The following SPATA16 variants were observed in gnomAD, a reference collection of about 807,000 sequenced individuals.
The protein encoded by SPATA16 is spermatogenesis associated 16, also known as spermatogenesis-associated protein 16.
Under a neutral mutation model 63.3 loss-of-function variants are expected in SPATA16, and 36 were observed. That is an observed-to-expected ratio of 0.57 (90% CI 0.44 to 0.75). The LOEUF (loss-of-function observed/expected upper bound fraction) is 0.75, where lower values mean the gene tolerates loss of function less well. SPATA16 is among the 30% of genes least tolerant of loss of function. SPATA16 has a pLI of 0.00. For missense variants in SPATA16, 646 were observed against 679.3 expected, an observed-to-expected ratio of 0.95 and a Z score of 0.54; for synonymous variants, 203 against 216.7, an observed-to-expected ratio of 0.94 and a Z score of 0.56.
chr3:172,933,664 A>C (rs996715093), intron 6 of SPATA16, among the ~76,000 whole-genome samples: 9 of 152,226 alleles, frequency 5.9e-5, no homozygotes, highest in African/African-American at 2.2e-4. Flanking sequence ...TGGTTGGATC[A>C]AGCTATGCTT....
intron 4 of SPATA16, among the ~76,000 whole-genome samples, chr3:173,009,889 T>G (rs1433425376): frequency 6.6e-6 from 1 of 152,206 alleles, no homozygotes; most frequent in Non-Finnish European, 1.5e-5. Context: ...GTTACGGAAT[T>G]TCTTGGGGCT....
chr3:173,094,203 G>T (rs1737294898), intron 2 of SPATA16, among the ~76,000 whole-genome samples: 1 of 152,048 alleles, frequency 6.6e-6, no homozygotes, highest in South Asian at 2.1e-4. Flanking sequence ...TGCTGGGCTT[G>T]TTCTGCATTC....
At chr3:172,970,281 G>C (rs148076642) in intron 5 of SPATA16, among the ~76,000 whole-genome samples, 1 of 152,072 alleles carries the variant, frequency 6.6e-6, no homozygotes, top group Admixed American at 6.6e-5. Flanking sequence ...GGTACTTCTC[G>C]TTGGCCTACA....
intron 4 of SPATA16, among the ~76,000 whole-genome samples, chr3:173,003,320 T>C (rs1201632835): frequency 6.6e-6 from 1 of 152,128 alleles, no homozygotes; most frequent in Non-Finnish European, 1.5e-5. Flanking sequence ...AATATGCTCA[T>C]TAGTAATCAA....
intron 6 of SPATA16, among the ~76,000 whole-genome samples, chr3:172,946,796 T>C (rs1020415960): frequency 6.6e-6 from 1 of 152,176 alleles, no homozygotes; most frequent in African/African-American, 2.4e-5. Flanking sequence ...GACGCAAGCC[T>C]GGCTGGATTC....
intron 2 of SPATA16, among the ~76,000 whole-genome samples, chr3:173,056,653 G>C (rs1197684524): frequency 7.3e-6 from 1 of 136,746 alleles, no homozygotes; most frequent in Non-Finnish European, 1.5e-5. Context: ...GCAGTAAGCC[G>C]AGATAGTGCC....
chr3:173,024,854 T>C (rs543527431), intron 3 of SPATA16, among the ~76,000 whole-genome samples: 101 of 150,856 alleles, frequency 6.7e-4, no homozygotes, highest in Admixed American at 2.4e-3. Flanking sequence ...TCTTGACATA[T>C]AGAAAATTTA....
At chr3:172,957,163 C>T (rs1161334984) in intron 5 of SPATA16, among the ~76,000 whole-genome samples, 1 of 152,110 alleles carries the variant, frequency 6.6e-6, no homozygotes, top group Non-Finnish European at 1.5e-5. Context: ...AATTAACTTA[C>T]TCTTGAGCAG....
At chr3:172,993,603 C>T (rs1734631222) in intron 4 of SPATA16, among the ~76,000 whole-genome samples, 2 of 152,096 alleles carry the variant, frequency 1.3e-5, no homozygotes, top group South Asian at 4.1e-4. Context: ...GTGACAGCTT[C>T]TGATTATAAT....
At chr3:172,985,213 A>AT (rs1734418757) in intron 4 of SPATA16, among the ~76,000 whole-genome samples, 1 of 152,142 alleles carries the variant, frequency 6.6e-6, no homozygotes, top group Non-Finnish European at 1.5e-5. Flanking sequence ...GACATGGTCA[A>AT]TTTTTTCTTT....
intron 4 of SPATA16, among the ~76,000 whole-genome samples, chr3:172,998,499 A>G (rs1012109037): frequency 7.9e-5 from 12 of 152,052 alleles, no homozygotes; most frequent in African/African-American, 2.7e-4. Context: ...AGACAATTTT[A>G]TTTCTTTCTT....
In SPATA16 at chr3:172,889,511, G is replaced by A; in HGVS notation, c.*59C>T. 1 of 1,608,340 alleles carries A rather than the reference G, an allele frequency of 6.2e-7. No homozygotes were observed. The highest frequency in any genetic ancestry group is 1.7e-5 in the Admixed American group (1 of 60,026). On this transcript the variant is annotated 3_prime_UTR_variant, in exon 11 of 11. Transcript: ENST00000351008. Reference sequence around the variant, plus strand: ...TTCACAGTACTAGGTGGGCATTGGAGTGGATGCCCTTGCCTCTTCTTCTGG... The same window carrying A: ...TTCACAGTACTAGGTGGGCATTGGAATGGATGCCCTTGCCTCTTCTTCTGG...
At chr3:172,930,989 A>G (rs1323437061) in intron 6 of SPATA16, among the ~76,000 whole-genome samples, 1 of 150,294 alleles carries the variant, frequency 6.7e-6, no homozygotes, top group Non-Finnish European at 1.5e-5. Context: ...TGCTCAGCTA[A>G]TTTTTGTTAT....
Position 173,117,762 on chromosome 3 carries a change from G to A in SPATA16, c.-18-13C>T. ...CTGCCCAAAACTCCTGCAGGGGGGA[G>A]AAAAAGGAAAGTAATTAAGGCAATA... On this transcript the variant is annotated splice_polypyrimidine_tract_variant and intron_variant, in intron 1 of 10. Transcript: ENST00000351008. 6.2e-7 allele frequency: 1 copy of A among 1,613,794 alleles called. No homozygotes were observed. The highest frequency in any genetic ancestry group is 8.5e-7 in the Non-Finnish European group (1 of 1,179,884).
intron 6 of SPATA16, among the ~76,000 whole-genome samples, chr3:172,944,994 T>C (rs1004364815): frequency 3.3e-5 from 5 of 152,180 alleles, no homozygotes; most frequent in Admixed American, 2.0e-4. Context: ...ACATTGTGTA[T>C]ATTTTACTAT....
At chr3:173,136,452 T>G (rs1156627146) in intron 1 of SPATA16, among the ~76,000 whole-genome samples, 3 of 152,184 alleles carry the variant, frequency 2.0e-5, no homozygotes, top group Non-Finnish European at 1.5e-5. Flanking sequence ...AATCACATCA[T>G]GGAGAATGAG....
intron 8 of SPATA16, among the ~76,000 whole-genome samples, chr3:172,918,051 T>C (rs1283426481): frequency 6.6e-6 from 1 of 152,250 alleles, no homozygotes; most frequent in Non-Finnish European, 1.5e-5. Context: ...TCTGAAAATC[T>C]ATAAATCTAT....
chr3:173,014,355 T>C (rs952447166), intron 4 of SPATA16, among the ~76,000 whole-genome samples: 4 of 152,202 alleles, frequency 2.6e-5, no homozygotes, highest in Non-Finnish European at 4.4e-5. Flanking sequence ...GTACTGCATG[T>C]TCTCACTTAT....
At chr3:172,942,767 A>G (rs1314071308) in intron 6 of SPATA16, among the ~76,000 whole-genome samples, 1 of 152,168 alleles carries the variant, frequency 6.6e-6, no homozygotes, top group Admixed American at 6.5e-5. Context: ...TATATTAATG[A>G]CAGTTGACCA....
Sources: allele counts gnomAD v4.1 joint callset (sites outside exome capture counted in the v4.1 genomes callset), GRCh38; gene constraint gnomAD v4.1.1; transcripts MANE v1.5; gene names NCBI Gene and HGNC (gene_info 2026-07-23, HGNC 2026-07-21).